The following OR2L13 variants were observed in gnomAD, a reference collection of about 807,000 sequenced individuals.
The protein encoded by OR2L13 is olfactory receptor 2L13.
In OR2L13, 14 loss-of-function variants were observed where a neutral mutation model predicts 15.3. The observed-to-expected ratio is 0.91, with a 90% CI of 0.60 to 1.43. The LOEUF is 1.43. Among genes scored for constraint, OR2L13 ranks in the 40% most tolerant of loss-of-function variants. OR2L13 has a pLI of 0.00. For synonymous variants in OR2L13, 152 were observed against 142.9 expected (o/e 1.06, Z -0.45); for missense variants, 367 against 387.9 (o/e 0.95, Z 0.45).
chr1:248,095,847 C>T (rs143001824), upstream of OR2L13, among the ~76,000 whole-genome samples: 9,799 of 150,266 alleles, frequency 0.065, 749 homozygotes, highest in African/African-American at 0.19. Context: ...CCTCGTGATC[C>T]GCCCGCCTTG....
chr1:247,978,429 G>A, the OR2L13 span, among the ~76,000 whole-genome samples: 1 of 152,050 alleles, frequency 6.6e-6, no homozygotes, highest in Non-Finnish European at 1.5e-5. Context: ...CAAAAGATTT[G>A]GCATAATGGT....
At chr1:247,988,745 C>T in the OR2L13 span, among the ~76,000 whole-genome samples, 5,911 of 152,188 alleles carry the variant, frequency 0.039, 356 homozygotes, top group African/African-American at 0.13. Flanking sequence ...GAAGAATGCT[C>T]GAACCACCTA....
At chr1:248,043,259 G>A in the OR2L13 span, among the ~76,000 whole-genome samples, 1 of 152,194 alleles carries the variant, frequency 6.6e-6, no homozygotes, top group Admixed American at 6.5e-5. Context: ...AGAGAAGTAA[G>A]TATTTGAGTT....
At chr1:248,041,820 A>C in the OR2L13 span, 1 of 152,234 alleles carries the variant, frequency 6.6e-6, no homozygotes, top group Non-Finnish European at 1.5e-5. Context: ...ATACCATCTC[A>C]CACCAGTTAG....
chr1:248,084,573 T>G, the OR2L13 span: 2 of 1,609,418 alleles, frequency 1.2e-6, no homozygotes. Context: ...GAATAAAGTC[T>G]GGGGTAGTAT....
chr1:247,937,308 C>G, the OR2L13 span: 1 of 153,394 alleles, frequency 6.5e-6, no homozygotes, highest in Non-Finnish European at 1.5e-5. Context: ...CGTGAAGACC[C>G]TCTCGAAAGG....
chr1:248,069,497 C>G, the OR2L13 span, among the ~76,000 whole-genome samples: 3 of 152,154 alleles, frequency 2.0e-5, no homozygotes, highest in African/African-American at 7.2e-5. Context: ...AAAGGAACAA[C>G]CGGTACTAGC....
At chr1:248,001,816 A>T in the OR2L13 span, among the ~76,000 whole-genome samples, 1 of 152,102 alleles carries the variant, frequency 6.6e-6, no homozygotes, top group African/African-American at 2.4e-5. Context: ...TAAATATCAG[A>T]TCTGATGTGT....
the OR2L13 span, chr1:248,038,306 A>C: frequency 1.2e-6 from 2 of 1,612,976 alleles, no homozygotes; most frequent in Non-Finnish European, 1.7e-6. Flanking sequence ...ATTTCATCTT[A>C]TTGGGGCTGT....
chr1:248,099,270 A>G (rs1413307443), intron 2 of OR2L13, 88 bp from the exon 3 acceptor site: 3 of 770,654 alleles, frequency 3.9e-6, no homozygotes, highest in Non-Finnish European at 6.4e-6. Context: ...CTAAACAAAC[A>G]TTGATAAAGT....
At chr1:248,047,015 A>T in the OR2L13 span, 2 of 152,190 alleles carry the variant, frequency 1.3e-5, no homozygotes, top group Non-Finnish European at 2.9e-5. Flanking sequence ...TTTCTATAAC[A>T]CCATTCAGCA....
At chr1:248,038,053 A>T in the OR2L13 span, 1 of 439,140 alleles carries the variant, frequency 2.3e-6, no homozygotes, top group Non-Finnish European at 4.0e-6. Context: ...TTTTATTTGT[A>T]GTTATTTTTG....
chr1:248,030,075 T>A, the OR2L13 span: 1 of 152,168 alleles, frequency 6.6e-6, no homozygotes, highest in Admixed American at 6.5e-5. Flanking sequence ...AATGAAGGTC[T>A]CTGAAATCTC....
chr1:248,068,899 T>C, the OR2L13 span, among the ~76,000 whole-genome samples: 1 of 151,622 alleles, frequency 6.6e-6, no homozygotes, highest in Non-Finnish European at 1.5e-5. Flanking sequence ...ATGAATGAAA[T>C]GAAGTGAGAA....
the OR2L13 span, among the ~76,000 whole-genome samples, chr1:248,024,515 T>C: frequency 1.3e-5 from 2 of 152,210 alleles, no homozygotes; most frequent in Non-Finnish European, 1.5e-5. Flanking sequence ...GCCTAGGTTT[T>C]CTTCTAGGGT....
the OR2L13 span, among the ~76,000 whole-genome samples, chr1:247,988,544 TTAAG>T: frequency 6.6e-6 from 1 of 152,172 alleles, no homozygotes; most frequent in South Asian, 2.1e-4. Context: ...GTATTGATGT[TTAAG>T]TGAGTGTACA....
the OR2L13 span, among the ~76,000 whole-genome samples, chr1:247,958,125 G>A: frequency 6.6e-6 from 1 of 152,126 alleles, no homozygotes; most frequent in Non-Finnish European, 1.5e-5. Context: ...GTGTCCCAGA[G>A]ATTCTGGTAT....
At chr1:248,068,416 A>C in the OR2L13 span, among the ~76,000 whole-genome samples, 2 of 152,194 alleles carry the variant, frequency 1.3e-5, no homozygotes, top group Admixed American at 6.5e-5. Context: ...AGCAAACTGC[A>C]ACAGACCTGC....
chr1:248,038,379 C>G, the OR2L13 span: 53 of 1,613,334 alleles, frequency 3.3e-5, no homozygotes, highest in Middle Eastern at 1.6e-4. Context: ...CCTAATGGCT[C>G]TAATTGGAAA....
Sources: gnomAD v4.1 joint callset for allele counts (sites outside exome capture counted in the v4.1 genomes callset) on GRCh38, gnomAD v4.1.1 for gene constraint, MANE v1.5 for transcripts, NCBI Gene and HGNC (gene_info 2026-07-23, HGNC 2026-07-21) for gene names.